The following ERCC6 variants were observed in gnomAD, a reference collection of about 807,000 sequenced individuals.
The protein encoded by ERCC6 is ERCC excision repair 6, chromatin remodeling factor.
ERCC6 carries 116 observed loss-of-function variants against 158.7 expected under a neutral mutation model. The ratio of observed to expected loss-of-function variants is 0.73; its 90% CI spans 0.63 to 0.85. The LOEUF is 0.85. Ranked by LOEUF, ERCC6 falls within the 40% of genes least tolerant of loss-of-function variation. The probability of loss-of-function intolerance (pLI) is 0.00; values close to 1 mark genes in which losing one functional copy is unlikely to be tolerated. For synonymous variants in ERCC6, 678 were observed against 659.3 expected, an observed-to-expected ratio of 1.03 and a Z score of -0.43; for missense variants, 1,698 against 1,799.4, an observed-to-expected ratio of 0.94 and a Z score of 1.02.
At chr10:49,510,149 A>T (rs984063005) in intron 5 of ERCC6, among the ~76,000 whole-genome samples, 2 of 152,128 alleles carry the variant, frequency 1.3e-5, no homozygotes, top group Admixed American at 6.5e-5. Context: ...GTCAGAAGCA[A>T]CTCAGACCCA....
downstream of ERCC6, among the ~76,000 whole-genome samples, chr10:49,453,771 T>G (rs1486653129): frequency 4.5e-4 from 3 of 6,604 alleles, no homozygotes; most frequent in African/African-American, 9.7e-4. Context: ...TGGTTGACAG[T>G]TTTTTTTTCT....
At chr10:49,469,310 C>A (rs556636296) in intron 18 of ERCC6, among the ~76,000 whole-genome samples, 29 of 152,156 alleles carry the variant, frequency 1.9e-4, no homozygotes, top group Non-Finnish European at 3.8e-4. Context: ...ATAGGTCAAA[C>A]CAGCATGTGT....
intron 18 of ERCC6, among the ~76,000 whole-genome samples, chr10:49,466,366 G>A (rs1375400295): frequency 6.6e-6 from 1 of 152,174 alleles, no homozygotes; most frequent in Non-Finnish European, 1.5e-5. Flanking sequence ...AACTCAGTAC[G>A]TTGTGAATGA....
intron 18 of ERCC6, 103 bp from the exon 19 acceptor site, chr10:49,461,659 G>A (rs1190522480): frequency 9.1e-7 from 1 of 1,103,922 alleles, no homozygotes; most frequent in South Asian, 1.3e-5. Context: ...AAAACAAAGT[G>A]ATAGTACACT....
intron 5 of ERCC6, among the ~76,000 whole-genome samples, chr10:49,520,787 C>T (rs530124462): frequency 3.3e-4 from 51 of 152,296 alleles, no homozygotes; most frequent in African/African-American, 1.2e-3. Context: ...CTGTCCTCAG[C>T]CTCTCTGCAC....
At chr10:49,534,164 A>AAAAC (rs1564448026) in intron 1 of ERCC6, among the ~76,000 whole-genome samples, 1 of 150,734 alleles carries the variant, frequency 6.6e-6, no homozygotes, top group African/African-American at 2.5e-5. Context: ...ACAAAAAAAA[A>AAAAC]ACTCCATTTT....
At chr10:49,489,090 G>C (rs1424759369) in intron 8 of ERCC6, among the ~76,000 whole-genome samples, 1 of 152,088 alleles carries the variant, frequency 6.6e-6, no homozygotes, top group Non-Finnish European at 1.5e-5. Context: ...GCCATTATTT[G>C]CTTTTTTAAC....
chr10:49,464,730 G>A (rs1850642996), intron 18 of ERCC6, among the ~76,000 whole-genome samples: 1 of 152,216 alleles, frequency 6.6e-6, no homozygotes, highest in Non-Finnish European at 1.5e-5. Context: ...CTCAGGCTGT[G>A]GCTTCAGATG....
chr10:49,530,733 T>A lies in ERCC6; in HGVS notation c.530A>T (p.Gln177Leu), dbSNP rs141372606. 6.2e-7 allele frequency: 1 copy of A among 1,613,586 alleles called. No homozygotes were observed. The highest frequency in any genetic ancestry group is 2.2e-5 in the East Asian group (1 of 44,810). Residue 177 changes from glutamine to leucine, a missense_variant, in exon 3 of 21, where the codon CAG becomes CTG. By Grantham distance (113) the Gln-to-Leu change is moderately radical (BLOSUM62 -2). Transcript: ENST00000355832. ...ATTCTGAATCACCTTATTATACTTCTGTCGTTTTACAGAATCTAGTTTCCT... is the reference window on the plus strand; with the variant it reads ...ATTCTGAATCACCTTATTATACTTCAGTCGTTTTACAGAATCTAGTTTCCT... ...INRKLDSVKR[Q>L]KYNKEQQLKK...
At chr10:49,538,701 CA>C (rs1228366693) in intron 1 of ERCC6, among the ~76,000 whole-genome samples, 1 of 152,230 alleles carries the variant, frequency 6.6e-6, no homozygotes, top group Non-Finnish European at 1.5e-5. Flanking sequence ...GGGCCTTATA[CA>C]AAGTCGGAGA....
rs962918402 is a variant in ERCC6, at chr10:49,457,385, G to A, written c.*1430C>T. On this transcript the variant is annotated 3_prime_UTR_variant, in exon 21 of 21. Transcript: ENST00000355832. ...AAAAAAAACTAGAAAATCCTGACAG[G>A]AATCATATAGAACATCTCTAAGAAA... 6.6e-6 allele frequency: 1 copy of A among 152,064 alleles called. No individual in the cohort carries two copies. Among genetic ancestry groups the A allele is most frequent in the Non-Finnish European group, 1.5e-5 (1 of 68,016 alleles). 9.4% of individuals were successfully genotyped at this position (152,064 alleles called of 1,614,324 possible).
At chr10:49,502,325 C>A (rs1417401380) in intron 6 of ERCC6, 2 of 152,054 alleles carry the variant, frequency 1.3e-5, no homozygotes, top group Non-Finnish European at 2.9e-5. Flanking sequence ...TGGATATGCA[C>A]CTTGGAGAAA....
rs1850774787 is a variant in ERCC6, at chr10:49,471,257, G to A, written c.2925-137C>T. ...AATAATCCCCCAAACTTTCAGCCTTGGAAAATTACAATTCAGGAAATATAT... is the reference window on the plus strand; with the variant it reads ...AATAATCCCCCAAACTTTCAGCCTTAGAAAATTACAATTCAGGAAATATAT... On this transcript the variant is annotated intron_variant, in intron 16 of 20. Coordinates refer to ENST00000355832, the MANE Select transcript of ERCC6 (RefSeq NM_000124.4). The A allele has an allele frequency of 4.0e-5, 33 of 818,206 alleles. No individual in the cohort carries two copies. The South Asian group carries it at 5.2e-4, about 13-fold the overall frequency. 50.7% of individuals were successfully genotyped at this position (818,206 alleles called of 1,614,324 possible). A position where few individuals can be genotyped will look rare whatever the true frequency, so the allele number is the denominator to read the frequency against.
chr10:49,533,603 A>G (rs2132641215), intron 1 of ERCC6, among the ~76,000 whole-genome samples: 1 of 152,052 alleles, frequency 6.6e-6, no homozygotes, highest in East Asian at 1.9e-4. Flanking sequence ...GGACTTCGAG[A>G]CCAGCCTGGG....
chr10:49,435,809 G>A, the ERCC6 span, among the ~76,000 whole-genome samples: 2 of 152,036 alleles, frequency 1.3e-5, no homozygotes, highest in South Asian at 4.2e-4. Flanking sequence ...GACCAGCCTG[G>A]CCAACATGGT....
At chr10:49,507,498 T>G (rs1851463808) in intron 5 of ERCC6, among the ~76,000 whole-genome samples, 1 of 152,206 alleles carries the variant, frequency 6.6e-6, no homozygotes, top group Non-Finnish European at 1.5e-5. Context: ...GGCAATCTCT[T>G]CTTCTCCACT....
In ERCC6 at chr10:49,455,942, C is replaced by T. The variant is rs543161974; in HGVS notation, c.*2873G>A. The T allele has an allele frequency of 1.3e-5, 2 of 152,174 alleles. No homozygotes were observed. The highest frequency in any genetic ancestry group is 4.8e-5 in the African/African-American group (2 of 41,444). The allele number at this position is 152,174 out of a possible 1,614,324, so 9.4% of individuals were successfully genotyped here. A position where few individuals can be genotyped will look rare whatever the true frequency, so the allele number is the denominator to read the frequency against. The stretch of plus-strand genomic sequence containing the variant: ...TTTATGGAGGGTGAATTGATGCAAG[C>T]AATTCTGCTACATCCACTGACATTT... On this transcript the variant is annotated 3_prime_UTR_variant, in exon 21 of 21. Coordinates refer to ENST00000355832, the MANE Select transcript of ERCC6 (RefSeq NM_000124.4).
At chr10:49,488,909 G>A (rs1384422655) in intron 8 of ERCC6, among the ~76,000 whole-genome samples, 5 of 151,838 alleles carry the variant, frequency 3.3e-5, no homozygotes, top group Non-Finnish European at 7.4e-5. Flanking sequence ...TCAGCCTCCC[G>A]AGTAGCTGGG....
chr10:49,513,244 C>T (rs1387790444), intron 5 of ERCC6, among the ~76,000 whole-genome samples: 32 of 152,144 alleles, frequency 2.1e-4, no homozygotes, highest in Admixed American at 2.0e-3. Flanking sequence ...CTCCATGGCC[C>T]GTGGTGTCTA....
Sources: allele counts gnomAD v4.1 joint callset (sites outside exome capture counted in the v4.1 genomes callset), GRCh38; gene constraint gnomAD v4.1.1; transcripts MANE v1.5; gene names NCBI Gene and HGNC (gene_info 2026-07-23, HGNC 2026-07-21).